RET: variants seen among roughly 807,000 people sequenced by gnomAD.
RET encodes proto-oncogene tyrosine-protein kinase receptor Ret.
RET carries 19 observed loss-of-function variants against 118.3 expected under a neutral mutation model. That is an observed-to-expected ratio of 0.16 (90% CI 0.11 to 0.24). The LOEUF (loss-of-function observed/expected upper bound fraction) is 0.24. RET is among the 10% of genes least tolerant of loss of function. The probability of loss-of-function intolerance (pLI) is 1.00; values close to 1 mark genes in which losing one functional copy is unlikely to be tolerated. For missense variants in RET, 1,219 were observed against 1,502.1 expected (o/e 0.81, Z 3.12); for synonymous variants, 597 against 644.1 (o/e 0.93, Z 1.11).
Position 43,104,957 on chromosome 10 carries a change from G to A in RET, c.631G>A (p.Gly211Ser). 6.4e-7 allele frequency: 1 copy of A among 1,564,676 alleles called. No homozygotes were observed. The highest frequency in any genetic ancestry group is 8.6e-7 in the Non-Finnish European group (1 of 1,163,722). The stretch of plus-strand genomic sequence containing the variant: ...CCTGTCTGCTTGGTGCGCAGGTGAG[G>A]GTCTGCCCTTCCGCTGCGCCCCGGA... ...SVAYRLLEGE[G>S]LPFRCAPDSL... The change falls in exon 4 of 20, where the codon GGT (glycine) becomes AGT (serine). Residue 211 changes from glycine to serine, a missense_variant. By Grantham distance (56) the Gly-to-Ser change is moderately conservative. Transcript: ENST00000355710.
chr10:43,088,856 A>G (rs1837350432), intron 1 of RET, among the ~76,000 whole-genome samples: 1 of 152,154 alleles, frequency 6.6e-6, no homozygotes, highest in Non-Finnish European at 1.5e-5. Flanking sequence ...CCTGTCTCCA[A>G]CCAGCATTCA....
intron 12 of RET, 89 bp from the exon 13 acceptor site, chr10:43,118,284 A>C (rs1838119371): frequency 9.9e-7 from 1 of 1,007,282 alleles, no homozygotes; most frequent in East Asian, 2.5e-5. Context: ...AACTTGGGCA[A>C]GGCGATGCAG....
rs551928474 is a variant in RET, at chr10:43,118,844, C to T, written c.2392+364C>T. Among the ~76,000 whole-genome samples, 6 of 152,326 alleles carry T rather than the reference C, an allele frequency of 3.9e-5. No homozygotes were observed. In the East Asian group the frequency reaches 5.8e-4, roughly 15 times the overall value. ...GGGTACTAGGGTACCCTGGGTACCA[C>T]AGGGCACCAGGTGTGCTGTGACCTC... On this transcript the variant is annotated intron_variant, in intron 13 of 19. Coordinates refer to ENST00000355710, the MANE Select transcript of RET (RefSeq NM_020975.6).
intron 15 of RET, among the ~76,000 whole-genome samples, chr10:43,121,080 ACTG>A (rs1838207170): frequency 6.6e-6 from 1 of 152,168 alleles, no homozygotes; most frequent in Non-Finnish European, 1.5e-5. Flanking sequence ...AGATCTCAGA[ACTG>A]CTGTGGGGGG....
In RET at chr10:43,111,249, A is replaced by G. The variant is rs770736612; in HGVS notation, c.1306A>G (p.Ile436Val). 1.5e-5 allele frequency: 24 copies of G among 1,614,022 alleles called. No individual in the cohort carries two copies. The highest frequency in any genetic ancestry group is 1.9e-5 in the Non-Finnish European group (23 of 1,180,046). ...CVENCQAFSG[I>V]NVQYKLHSSG... ...GGAAAACTGCCAGGCATTCAGTGGC[A>G]TCAACGTCCAGTACAAGCTGCATTC... Residue 436 changes from isoleucine (I) to valine (V), a missense_variant, in exon 7 of 20, where the codon ATC (isoleucine) becomes GTC (valine). Physicochemically the swap from Ile to Val is conservative, Grantham distance 29. This residue lies in a region of RET where 850 missense variants were observed against 969.6 expected (regional missense o/e 0.88). Transcript: ENST00000355710.
At chr10:43,087,204 C>G (rs939840378) in intron 1 of RET, among the ~76,000 whole-genome samples, 1 of 152,352 alleles carries the variant, frequency 6.6e-6, no homozygotes, top group South Asian at 2.1e-4. Context: ...TGGTGCCTCC[C>G]AGGCCAGGGC....
chr10:43,100,394 T>TC (rs1837610412), intron 1 of RET, 65 bp from the exon 2 acceptor site: 1 of 1,573,582 alleles, frequency 6.4e-7, no homozygotes, highest in Non-Finnish European at 8.7e-7. Context: ...AATGATTTTT[T>TC]TTTTTTTTGT....
chr10:43,108,486 A>G (rs1307561013), intron 5 of RET, among the ~76,000 whole-genome samples: 1 of 152,146 alleles, frequency 6.6e-6, no homozygotes, highest in Non-Finnish European at 1.5e-5. Flanking sequence ...GTTGTGTCCA[A>G]ACTCCAGCAG....
At position 43,106,277 on chromosome 10, in the gene RET, T is replaced by C; in HGVS notation, c.868-99T>C. 1 of 1,168,616 alleles carries C rather than the reference T, an allele frequency of 8.6e-7. No individual in the cohort carries two copies. Among genetic ancestry groups the C allele is most frequent in the Non-Finnish European group, 1.2e-6 (1 of 804,830 alleles). The allele number at this position is 1,168,616 out of a possible 1,614,324, so 72.4% of individuals were successfully genotyped here. A position where few individuals can be genotyped will look rare whatever the true frequency, so the allele number is the denominator to read the frequency against. Reference sequence around the variant, plus strand: ...TGACAACACACATCTGGTCCACCTATGGGCTGTGTGGGACGTGCAGCATTC... The same window carrying C: ...TGACAACACACATCTGGTCCACCTACGGGCTGTGTGGGACGTGCAGCATTC... On this transcript the variant is annotated intron_variant, in intron 4 of 19. Transcript: ENST00000355710. The surrounding 1 kb of genome is among the most constrained non-coding windows in gnomAD (Gnocchi z 5.1).
At chr10:43,119,983 C>G (rs571625854) in intron 14 of RET, 98 bp from the exon 15 acceptor site, 18 of 1,555,690 alleles carry the variant, frequency 1.2e-5, no homozygotes, top group Non-Finnish European at 1.6e-5. Flanking sequence ...GGCCGCTACC[C>G]GGGCCACACA....
Position 43,086,222 on chromosome 10 carries a change from T to C in RET, c.73+8891T>C, listed in dbSNP as rs531810071. Among the ~76,000 whole-genome samples the C allele has an allele frequency of 2.0e-5, 3 of 152,338 alleles. No individual in the cohort carries two copies. In the South Asian group the frequency reaches 6.2e-4, roughly 32 times the overall value. On this transcript the variant is annotated intron_variant, in intron 1 of 19. Coordinates refer to ENST00000355710, the MANE Select transcript of RET (RefSeq NM_020975.6). ...CTCCTGTGTGAGATGGGAATCCTCA[T>C]GGTCCCTACCTCTGACAGTTGTTTT...
chr10:43,112,838 G>T lies in RET; in HGVS notation c.1649-15G>T. On this transcript the variant is annotated splice_polypyrimidine_tract_variant and intron_variant, in intron 8 of 19. Coordinates refer to ENST00000355710, the MANE Select transcript of RET (RefSeq NM_020975.6). ...GCTCCCACATGGGTGACAGCCTGCT[G>T]TGTGTCCTGTGCAGGGATCACCAGG... 1 of 1,605,642 alleles carries T rather than the reference G, an allele frequency of 6.2e-7. No homozygotes were observed. The highest frequency in any genetic ancestry group is 2.2e-5 in the East Asian group (1 of 44,782).
At chr10:43,087,578 A>T (rs1213555404) in intron 1 of RET, among the ~76,000 whole-genome samples, 1 of 152,186 alleles carries the variant, frequency 6.6e-6, no homozygotes, top group Non-Finnish European at 1.5e-5. Flanking sequence ...GGAGGTATTG[A>T]CTTGTTAGCG....
chr10:43,098,233 A>G (rs1837562719), intron 1 of RET, among the ~76,000 whole-genome samples: 1 of 151,970 alleles, frequency 6.6e-6, no homozygotes, highest in South Asian at 2.1e-4. Context: ...ATCAAACACT[A>G]ACTCCCCATC....
intron 7 of RET, 132 bp from the exon 8 acceptor site, chr10:43,111,967 G>A (rs2132791625): frequency 7.7e-7 from 1 of 1,295,024 alleles, no homozygotes; most frequent in Non-Finnish European, 1.1e-6. Flanking sequence ...TTGCTGCCCT[G>A]GGTCTGTCAC....
At chr10:43,102,253 C>T in intron 2 of RET, 89 bp from the exon 3 acceptor site, 2 of 1,532,668 alleles carry the variant, frequency 1.3e-6, no homozygotes, top group South Asian at 2.2e-5. Context: ...CCAGGGTTTA[C>T]ACCAGCCCTG....
intron 1 of RET, among the ~76,000 whole-genome samples, chr10:43,082,051 G>A (rs780980498): frequency 1.3e-5 from 2 of 152,152 alleles, no homozygotes; most frequent in South Asian, 4.1e-4. Flanking sequence ...CTCTGGTCCC[G>A]CAGCTGTGTG....
rs1838409227 is a variant in RET at position 43,129,787 on chromosome 10, C to T, written c.*1518C>T. On this transcript the variant is annotated 3_prime_UTR_variant, in exon 20 of 20. Coordinates refer to ENST00000355710, the MANE Select transcript of RET (RefSeq NM_020975.6). ...GTAATAGAGCCTTGTGGTGTGTGCG[C>T]ACACACCCAGAGGGAGAGTTTGAAA... 1 of 391,270 alleles carries T rather than the reference C, an allele frequency of 2.6e-6. No individual in the cohort carries two copies. The highest frequency in any genetic ancestry group is 4.4e-5 in the Admixed American group (1 of 22,488). The allele number at this position is 391,270 out of a possible 1,614,324, so 24.2% of individuals were successfully genotyped here.
Position 43,114,872 on chromosome 10 carries a change from C to G in RET, c.2136+136C>G. 1 of 954,380 alleles carries G rather than the reference C, an allele frequency of 1.0e-6. No individual in the cohort carries two copies. The highest frequency in any genetic ancestry group is 1.5e-6 in the Non-Finnish European group (1 of 655,764). The allele number at this position is 954,380 out of a possible 1,614,324, so 59.1% of individuals were successfully genotyped here. On this transcript the variant is annotated intron_variant, in intron 11 of 19. Transcript: ENST00000355710. The surrounding 1 kb of genome is among the most constrained non-coding windows in gnomAD (Gnocchi z 4.6). ...GGCAGACGAGGCCTGTGTTCTGCCC[C>G]CATTTCCATAGGGCGCTGTGTGGGG...
Sources: allele counts gnomAD v4.1 joint callset (sites outside exome capture counted in the v4.1 genomes callset), GRCh38; gene constraint gnomAD v4.1.1; regional missense constraint gnomAD v4.1.1; non-coding constraint Gnocchi (gnomAD v3.1); transcripts MANE v1.5; gene names NCBI Gene and HGNC (gene_info 2026-07-23, HGNC 2026-07-21).